Variants in DMD observed in about 807,000 individuals in gnomAD.
DMD encodes the protein mutant dystrophin.
A neutral mutation model predicts 330.1 loss-of-function variants in DMD; 63 were observed. That is an observed-to-expected ratio of 0.19 (90% CI 0.16 to 0.24). DMD has a LOEUF of 0.24. Among genes scored for constraint, DMD ranks in the 10% least tolerant of loss-of-function variants. DMD has a pLI of 1.00. For missense variants in DMD, 3,344 were observed against 2,684.1 expected (o/e 1.25, Z -5.43); for synonymous variants, 1,223 against 959.8 (o/e 1.27, Z -5.07).
At chrX:32,683,056 G>T (rs1428012211) in intron 9 of DMD, among the ~76,000 whole-genome samples, 2 of 111,680 alleles carry the variant, frequency 1.8e-5, no homozygotes, top group African/African-American at 6.5e-5. Context: ...GACTGGTTTA[G>T]ATGGCACTTA....
intron 44 of DMD, among the ~76,000 whole-genome samples, chrX:31,989,233 C>G (rs762074385): frequency 1.8e-5 from 2 of 111,371 alleles, no homozygotes; most frequent in African/African-American, 6.5e-5. Flanking sequence ...ATAAACACAC[C>G]CAGAATAATG....
intron 8 of DMD, 41 bp from the exon 9 acceptor site, chrX:32,698,039 GA>G (rs1569467713): frequency 8.6e-7 from 1 of 1,158,978 alleles, no homozygotes; most frequent in Non-Finnish European, 1.2e-6. Context: ...AGAGGAGGGG[GA>G]AAAACCATAA....
chrX:31,256,261 T>C (rs1388916648), intron 63 of DMD, among the ~76,000 whole-genome samples: 3 of 112,415 alleles, frequency 2.7e-5, no homozygotes, highest in African/African-American at 9.7e-5. Flanking sequence ...ATTTATTCCC[T>C]GTGAAAATCC....
At chrX:31,352,567 C>T (rs1425096004) in intron 60 of DMD, among the ~76,000 whole-genome samples, 5 of 111,784 alleles carry the variant, frequency 4.5e-5, no homozygotes, top group African/African-American at 1.6e-4. Context: ...ATTTTGCCTT[C>T]TTATACAAGG....
At position 31,506,863 on chromosome X, in the gene DMD, T is replaced by C. The variant is rs111422171; in HGVS notation, c.8390+418A>G. ...CAGGTTTTATATTATATAATTGTAA[T>C]GTGTTATAAAGGGTTTTAAAGACTG... On this transcript the variant is annotated intron_variant, in intron 56 of 78. Coordinates refer to ENST00000357033, the MANE Select transcript of DMD (RefSeq NM_004006.3). 2.7e-3 allele frequency among the ~76,000 whole-genome samples: 305 copies of C among 112,273 alleles called. 1 individual carries two copies. Among genetic ancestry groups the C allele is most frequent in the African/African-American group, 9.2e-3 (284 of 30,935 alleles).
At chrX:32,842,413 CA>C (rs889724306) in intron 4 of DMD, among the ~76,000 whole-genome samples, 13 of 111,948 alleles carry the variant, frequency 1.2e-4, no homozygotes, top group African/African-American at 3.2e-4. Flanking sequence ...AACAAACAAA[CA>C]AAAAAACCCA....
chrX:33,158,200 C>T (rs974261471), intron 1 of DMD, among the ~76,000 whole-genome samples: 7 of 111,711 alleles, frequency 6.3e-5, no homozygotes, highest in Non-Finnish European at 9.4e-5. Context: ...TTGTATATTT[C>T]TGTATCATAT....
In DMD at chrX:31,845,860, T is replaced by A. The variant is rs180949990; in HGVS notation, c.7099-9041A>T. On this transcript the variant is annotated intron_variant, in intron 48 of 78. Transcript: ENST00000357033. Reference sequence around the variant, plus strand: ...TGCCTGTGATTAACACTGATGCAAATGTACAGAAAGTAATTGCAAAAAGAA... The same window carrying A: ...TGCCTGTGATTAACACTGATGCAAAAGTACAGAAAGTAATTGCAAAAAGAA... 2.7e-5 allele frequency among the ~76,000 whole-genome samples: 3 copies of A among 111,415 alleles called. No homozygotes were observed. The East Asian group carries it at 8.5e-4, about 32-fold the overall frequency.
chrX:33,008,925 C>CGCGT (rs1557204330), intron 2 of DMD, among the ~76,000 whole-genome samples: 1 of 78,973 alleles, frequency 1.3e-5, no homozygotes, highest in African/African-American at 4.3e-5. Flanking sequence ...TGTATATATA[C>CGCGT]ATGTATATAT....
At chrX:32,242,959 C>G (rs755445326) in intron 43 of DMD, among the ~76,000 whole-genome samples, 21 of 71,158 alleles carry the variant, frequency 3.0e-4, no homozygotes, top group Non-Finnish European at 3.0e-4. Context: ...GGAAAAGGAA[C>G]AGAAGGAAAG....
intron 52 of DMD, among the ~76,000 whole-genome samples, chrX:31,685,727 C>T (rs1200807310): frequency 8.9e-6 from 1 of 112,099 alleles, no homozygotes; most frequent in Non-Finnish European, 1.9e-5. Context: ...AGATTTTCCT[C>T]AGCTTGCTAG....
At chrX:33,277,755 G>T (rs151056495) in intron 1 of DMD, among the ~76,000 whole-genome samples, 2,518 of 111,256 alleles carry the variant, frequency 0.023, 85 homozygotes, top group African/African-American at 0.078. Flanking sequence ...CAAGGTGGAG[G>T]AGTTCACAAG....
At chrX:31,844,010 C>T (rs1397255144) in intron 48 of DMD, among the ~76,000 whole-genome samples, 1 of 111,294 alleles carries the variant, frequency 9.0e-6, no homozygotes, top group Non-Finnish European at 1.9e-5. Context: ...AGGGATGCGC[C>T]AGCATGCCCA....
intron 44 of DMD, among the ~76,000 whole-genome samples, chrX:32,044,583 A>G (rs181024143): frequency 0.015 from 1,654 of 109,780 alleles, 32 homozygotes; most frequent in African/African-American, 0.051. Context: ...CACCATGCCC[A>G]GCTAATTTTT....
chrX:32,187,280 T>A (rs2096951871), intron 44 of DMD, among the ~76,000 whole-genome samples: 1 of 111,319 alleles, frequency 9.0e-6, no homozygotes, highest in Admixed American at 9.6e-5. Context: ...AATGTCAATT[T>A]TTATAATTGC....
At chrX:31,168,019 G>T (rs989899478) in intron 74 of DMD, among the ~76,000 whole-genome samples, 1 of 112,055 alleles carries the variant, frequency 8.9e-6, no homozygotes, top group African/African-American at 3.2e-5. Flanking sequence ...CCAACTGCAG[G>T]GATCTAGCAG....
At chrX:32,290,225 G>A (rs1220102192) in intron 42 of DMD, among the ~76,000 whole-genome samples, 1 of 111,999 alleles carries the variant, frequency 8.9e-6, no homozygotes, top group Non-Finnish European at 1.9e-5. Flanking sequence ...CACGTTAAAG[G>A]GGCCTTCTCT....
At chrX:32,079,873 G>GT (rs956117750) in intron 44 of DMD, among the ~76,000 whole-genome samples, 1 of 111,966 alleles carries the variant, frequency 8.9e-6, no homozygotes, top group African/African-American at 3.2e-5. Context: ...TGCACGTCCT[G>GT]TAATAGGTGT....
At chrX:32,601,336 T>C (rs537939906) in intron 12 of DMD, among the ~76,000 whole-genome samples, 1 of 111,831 alleles carries the variant, frequency 8.9e-6, no homozygotes, top group African/African-American at 3.2e-5. Context: ...TTAAATGTGA[T>C]TGAATATCTT....
Sources: allele counts gnomAD v4.1 joint callset (sites outside exome capture counted in the v4.1 genomes callset), GRCh38; gene constraint gnomAD v4.1.1; transcripts MANE v1.5; gene names NCBI Gene and HGNC (gene_info 2026-07-23, HGNC 2026-07-21).